The following CRPPA variants were observed in gnomAD, a reference collection of about 807,000 sequenced individuals.
The protein encoded by CRPPA is D-ribitol-5-phosphate cytidylyltransferase.
In CRPPA, 43 loss-of-function variants were observed where a neutral mutation model predicts 52.0. That is an observed-to-expected ratio of 0.83 (90% CI 0.65 to 1.07). The LOEUF (loss-of-function observed/expected upper bound fraction) is 1.07. Among genes scored for constraint, CRPPA ranks in the 50% least tolerant of loss-of-function variants. The probability of loss-of-function intolerance (pLI) is 0.00; values close to 1 mark genes in which losing one functional copy is unlikely to be tolerated. For synonymous variants in CRPPA, 250 were observed against 203.5 expected (o/e 1.23, Z -1.94); for missense variants, 629 against 551.7 (o/e 1.14, Z -1.40).
In CRPPA at chr7:16,421,185, G is replaced by A. The variant is rs1162623078; in HGVS notation, c.138C>T (p.Ala46=). The A allele has an allele frequency of 3.0e-6, 4 of 1,341,488 alleles. No homozygotes were observed. Among genetic ancestry groups the A allele is most frequent in the Non-Finnish European group, 3.8e-6 (4 of 1,040,912 alleles). The allele number at this position is 1,341,488 out of a possible 1,614,324, so 83.1% of individuals were successfully genotyped here. ...AGTEPGRHPQ[A]VAAVLPAGGC... ...CCCCGGCAGGCAACACAGCTGCCAC[G>A]GCTTGCGGGTGGCGCCCGGGCTCGG... The change falls in exon 1 of 10, where the codon GCC becomes GCT. Residue 46 remains alanine, a synonymous_variant. Coordinates refer to ENST00000407010, the MANE Select transcript of CRPPA (RefSeq NM_001101426.4).
intron 2 of CRPPA, among the ~76,000 whole-genome samples, chr7:16,397,211 T>A (rs112606025): frequency 0.031 from 4,675 of 152,294 alleles, 225 homozygotes; most frequent in African/African-American, 0.1. Flanking sequence ...GTGACACGAC[T>A]GACACGTATG....
chr7:16,198,911 T>G (rs2128392898), intron 9 of CRPPA, among the ~76,000 whole-genome samples: 1 of 152,146 alleles, frequency 6.6e-6, no homozygotes, highest in South Asian at 2.1e-4. Flanking sequence ...ACATAATGAC[T>G]CCATCCAAAT....
chr7:16,375,345 C>G (rs1786854745), intron 3 of CRPPA, among the ~76,000 whole-genome samples: 1 of 152,112 alleles, frequency 6.6e-6, no homozygotes, highest in African/African-American at 2.4e-5. Context: ...CTGACAAGCT[C>G]AATATCTGAT....
rs1482311607 is a variant in CRPPA at position 16,132,434 on chromosome 7, C to T, written c.1252-40635G>A. Among the ~76,000 whole-genome samples the T allele has an allele frequency of 2.4e-5, 3 of 123,856 alleles. 1 individual carries two copies. Among genetic ancestry groups the T allele is most frequent in the Non-Finnish European group, 5.5e-5 (3 of 54,630 alleles). 81.3% of individuals were successfully genotyped at this position (123,856 alleles called of 152,430 possible). A position where few individuals can be genotyped will look rare whatever the true frequency, so the allele number is the denominator to read the frequency against. On this transcript the variant is annotated intron_variant, in intron 9 of 9. Coordinates refer to ENST00000407010, the MANE Select transcript of CRPPA (RefSeq NM_001101426.4). ...GAAGAAAGCATATATAGAATTCTCT[C>T]GTTGAAAGAGAATAGAAAGGATTAA...
At chr7:16,379,774 G>C (rs1583561773) in intron 2 of CRPPA, among the ~76,000 whole-genome samples, 1 of 152,166 alleles carries the variant, frequency 6.6e-6, no homozygotes, top group East Asian at 1.9e-4. Context: ...GTTCACTCAT[G>C]ATTTGGCTCT....
rs3083131 is a variant in CRPPA, at chr7:16,125,888, TACACACACACACACACACACAC to T, written c.1252-34111_1252-34090del. The stretch of plus-strand genomic sequence containing the variant: ...GTTAGATGTACAATAGAAGCTTGCC[TACACACACACACACACACACAC>T]ACACACACACACACACACACACACA... On this transcript the variant is annotated intron_variant, in intron 9 of 9. Coordinates refer to ENST00000407010, the MANE Select transcript of CRPPA (RefSeq NM_001101426.4). Among the ~76,000 whole-genome samples the T allele has an allele frequency of 1.6e-4, 22 of 134,236 alleles. 1 individual carries two copies. In the South Asian group the frequency reaches 2.4e-3, roughly 14 times the overall value. 88.1% of individuals were successfully genotyped at this position (134,236 alleles called of 152,430 possible). A position where few individuals can be genotyped will look rare whatever the true frequency, so the allele number is the denominator to read the frequency against.
intron 3 of CRPPA, among the ~76,000 whole-genome samples, chr7:16,310,181 T>C (rs1354355444): frequency 6.6e-6 from 1 of 152,082 alleles, no homozygotes; most frequent in African/African-American, 2.4e-5. Flanking sequence ...AATGATATCA[T>C]TGATCACATG....
intron 8 of CRPPA, among the ~76,000 whole-genome samples, chr7:16,218,015 G>GA (rs1782379313): frequency 1.3e-5 from 2 of 151,342 alleles, no homozygotes; most frequent in African/African-American, 4.8e-5. Context: ...TGAAATGAAG[G>GA]AAAAAATGTT....
intron 3 of CRPPA, among the ~76,000 whole-genome samples, chr7:16,328,603 C>T (rs1785471509): frequency 6.6e-6 from 1 of 152,134 alleles, no homozygotes; most frequent in African/African-American, 2.4e-5. Context: ...CAACCTCCGC[C>T]TCCCAGGTTC....
At chr7:16,161,490 T>G (rs1309202016) in intron 9 of CRPPA, among the ~76,000 whole-genome samples, 1 of 152,218 alleles carries the variant, frequency 6.6e-6, no homozygotes, top group Non-Finnish European at 1.5e-5. Context: ...TTACATTTAT[T>G]GGTTTGCATA....
intron 3 of CRPPA, among the ~76,000 whole-genome samples, chr7:16,342,787 A>ATC (rs1562643194): frequency 1.9e-5 from 1 of 52,684 alleles, no homozygotes; most frequent in African/African-American, 5.8e-5. Flanking sequence ...AAAAAAATAT[A>ATC]TATATATATA....
chr7:16,211,509 T>C (rs1375456944), intron 9 of CRPPA, among the ~76,000 whole-genome samples: 1 of 152,192 alleles, frequency 6.6e-6, no homozygotes, highest in African/African-American at 2.4e-5. Context: ...ATAATTCCCA[T>C]TTAAATTCCA....
chr7:16,420,718 G>A (rs76899772), intron 1 of CRPPA, among the ~76,000 whole-genome samples: 9,335 of 152,208 alleles, frequency 0.061, 400 homozygotes, highest in Non-Finnish European at 0.098. Flanking sequence ...CCCCAGGACC[G>A]CGAGACTATC....
At position 16,210,496 on chromosome 7, in the gene CRPPA, C is replaced by T. The variant is rs190844192; in HGVS notation, c.1251+5570G>A. On this transcript the variant is annotated intron_variant, in intron 9 of 9. Transcript: ENST00000407010. ...TCTTGCATTCTATGATGTTTCCAGA[C>T]ACTCTGTGCAAAGAACAGAGGCAAG... The T allele has an allele frequency of 4.6e-5, 7 of 152,308 alleles. No individual in the cohort carries two copies. The East Asian group carries it at 1.4e-3, about 29-fold the overall frequency. The allele number at this position is 152,308 out of a possible 1,614,324, so 9.4% of individuals were successfully genotyped here.
At chr7:16,111,893 CT>C (rs1217884089) in intron 9 of CRPPA, among the ~76,000 whole-genome samples, 1 of 152,136 alleles carries the variant, frequency 6.6e-6, no homozygotes, top group Admixed American at 6.6e-5. Flanking sequence ...CATTTCAAAA[CT>C]GCTGAGTAAA....
At position 16,101,807 on chromosome 7, in the gene CRPPA, G is replaced by A. The variant is rs568760501; in HGVS notation, c.1252-10008C>T. ...ATCCACTGCTCACGGAAATAAGAGA[G>A]GACACAAACAGATGAAAAAACATTC... is the stretch of plus-strand genomic sequence containing the variant. On this transcript the variant is annotated intron_variant, in intron 9 of 9. Transcript: ENST00000407010. Among the ~76,000 whole-genome samples the A allele has an allele frequency of 9.2e-5, 14 of 152,154 alleles. No individual in the cohort carries two copies. In the South Asian group the frequency reaches 2.7e-3, roughly 29 times the overall value.
At chr7:16,316,451 A>G (rs1421905494) in intron 3 of CRPPA, among the ~76,000 whole-genome samples, 1 of 152,154 alleles carries the variant, frequency 6.6e-6, no homozygotes, top group Non-Finnish European at 1.5e-5. Flanking sequence ...TATATTCCTG[A>G]AAAACATGCT....
intron 8 of CRPPA, among the ~76,000 whole-genome samples, chr7:16,225,757 T>C (rs1222946179): frequency 1.3e-5 from 2 of 151,958 alleles, no homozygotes; most frequent in African/African-American, 2.4e-5. Flanking sequence ...CTAAACAGTT[T>C]TACAGTTTAC....
At chr7:16,300,652 C>A (rs888470647) in intron 5 of CRPPA, among the ~76,000 whole-genome samples, 1 of 152,144 alleles carries the variant, frequency 6.6e-6, no homozygotes, top group Non-Finnish European at 1.5e-5. Flanking sequence ...AGAGGCCAGG[C>A]GTGCTGCTAA....
Sources: gnomAD v4.1 joint callset for allele counts (sites outside exome capture counted in the v4.1 genomes callset) on GRCh38, gnomAD v4.1.1 for gene constraint, MANE v1.5 for transcripts, NCBI Gene and HGNC (gene_info 2026-07-23, HGNC 2026-07-21) for gene names.